The following TPGS2 variants were observed in gnomAD, a reference collection of about 807,000 sequenced individuals.
TPGS2 encodes the protein polyglutamylase subunit 2.
Under a neutral mutation model 31.1 loss-of-function variants are expected in TPGS2, and 26 were observed. That is an observed-to-expected ratio of 0.84 (90% confidence interval 0.61 to 1.16). TPGS2 has a LOEUF of 1.16. Among genes scored for constraint, TPGS2 ranks in the 50% most tolerant of loss-of-function variants. TPGS2 has a pLI of 0.00. For synonymous variants in TPGS2, 130 were observed against 136.6 expected (o/e 0.95, Z 0.34); for missense variants, 351 against 363.8 (o/e 0.96, Z 0.29).
At chr18:36,816,122 T>C (rs927350812) in intron 2 of TPGS2, among the ~76,000 whole-genome samples, 8 of 152,266 alleles carry the variant, frequency 5.3e-5, no homozygotes, top group Admixed American at 2.0e-4. Flanking sequence ...CAAATGAATA[T>C]GTCTGAAGAA....
At chr18:36,825,049 C>G (rs1236015209) in intron 1 of TPGS2, among the ~76,000 whole-genome samples, 1 of 152,052 alleles carries the variant, frequency 6.6e-6, no homozygotes, top group Non-Finnish European at 1.5e-5. Context: ...AGGTAGAGGT[C>G]CAATTTCATT....
At chr18:36,807,204 C>T (rs924622595) in intron 3 of TPGS2, among the ~76,000 whole-genome samples, 2 of 152,148 alleles carry the variant, frequency 1.3e-5, no homozygotes, top group Non-Finnish European at 2.9e-5. Flanking sequence ...GAAATGTTTT[C>T]AAGAGTCTTC....
At chr18:36,786,917 T>A (rs2044145295) in intron 6 of TPGS2, 1 of 1,234,402 alleles carries the variant, frequency 8.1e-7, no homozygotes. Flanking sequence ...GATTGGCGCC[T>A]GCTGCACACG....
At chr18:36,821,648 A>G (rs2045899965) in intron 1 of TPGS2, among the ~76,000 whole-genome samples, 1 of 152,246 alleles carries the variant, frequency 6.6e-6, no homozygotes, top group Non-Finnish European at 1.5e-5. Context: ...AACAAAAGTG[A>G]AAACTCAAGA....
rs529014082 is a variant in TPGS2, at chr18:36,806,308, G to A, written c.254-806C>T. Among the ~76,000 whole-genome samples the A allele has an allele frequency of 1.4e-4, 21 of 152,190 alleles. No individual in the cohort carries two copies. The South Asian group carries it at 2.3e-3, about 17-fold the overall frequency. ...AGAGAGGGTATTGCAATAATGAACT[G>A]GGACTCATTCATAAAATTTTATTCT... On this transcript the variant is annotated intron_variant, in intron 3 of 6. Transcript: ENST00000334295.
rs1383116663 is a variant in TPGS2, at chr18:36,796,966, G to A, written c.742C>T (p.Pro248Ser). 1.9e-6 allele frequency: 3 copies of A among 1,604,774 alleles called. No individual in the cohort carries two copies. Among genetic ancestry groups the A allele is most frequent in the East Asian group, 4.5e-5 (2 of 44,786 alleles). The stretch of plus-strand genomic sequence containing the variant: ...TTCTTGCTCTTAAACACTTTGCTGG[G>A]ATCTAGCTTATTCACAAAGGAGTCG... Reference protein sequence around the residue: ...ETDSFVNKLDPSKVFKSKNKI... With the variant: ...ETDSFVNKLDSSKVFKSKNKI... The change falls in exon 7 of 7, where the codon CCC (proline) becomes TCC (serine). Residue 248 changes from proline to serine, a missense_variant. By Grantham distance (74) the Pro-to-Ser change is moderately conservative. Coordinates refer to ENST00000334295, the MANE Select transcript of TPGS2 (RefSeq NM_015476.4).
chr18:36,783,448 C>T (rs1190736181), intron 6 of TPGS2, among the ~76,000 whole-genome samples: 1 of 152,196 alleles, frequency 6.6e-6, no homozygotes, highest in African/African-American at 2.4e-5. Context: ...AGAAAGGCAA[C>T]ACTTTTCAAA....
chr18:36,785,424 G>T (rs2044105494), intron 6 of TPGS2, among the ~76,000 whole-genome samples: 1 of 152,210 alleles, frequency 6.6e-6, no homozygotes, highest in Non-Finnish European at 1.5e-5. Context: ...TGTAGGTTCA[G>T]CACCAATCGG....
intron 1 of TPGS2, among the ~76,000 whole-genome samples, chr18:36,823,457 C>CTTTTTTTTT (rs1193182256): frequency 1.9e-5 from 2 of 107,084 alleles, no homozygotes; most frequent in African/African-American, 9.9e-5. Flanking sequence ...TTGTTAACAG[C>CTTTTTTTTT]TTGTTTTTTT....
chr18:36,824,522 C>T (rs1381882078), intron 1 of TPGS2, among the ~76,000 whole-genome samples: 1 of 152,184 alleles, frequency 6.6e-6, no homozygotes, highest in East Asian at 1.9e-4. Context: ...TTCATATCCT[C>T]ACCAACAATT....
At chr18:36,781,883 G>T (rs2044025561), downstream of TPGS2, 3 of 985,320 alleles carry the variant, frequency 3.0e-6, no homozygotes, top group African/African-American at 3.5e-5. Flanking sequence ...GAACTTGCGA[G>T]AGTTGGGTCT....
At chr18:36,803,913 G>T (rs1600772947) in intron 4 of TPGS2, among the ~76,000 whole-genome samples, 1 of 151,666 alleles carries the variant, frequency 6.6e-6, no homozygotes, top group Non-Finnish European at 1.5e-5. Context: ...AATAGTGACG[G>T]GATCTCACTA....
intron 4 of TPGS2, among the ~76,000 whole-genome samples, chr18:36,801,242 A>G (rs1195970010): frequency 6.6e-6 from 1 of 152,210 alleles, no homozygotes; most frequent in Non-Finnish European, 1.5e-5. Flanking sequence ...TTGCTCTTCA[A>G]AAAGGACTTT....
At chr18:36,798,325 G>A in intron 6 of TPGS2, 124 bp downstream of exon 6, 2 of 1,522,760 alleles carry the variant, frequency 1.3e-6, no homozygotes, top group Non-Finnish European at 1.8e-6. Flanking sequence ...GAAAATGCAG[G>A]TTCCTGGGCC....
chr18:36,795,184 A>G lies in TPGS2; in HGVS notation c.*1621T>C. 1 of 985,402 alleles carries G rather than the reference A, an allele frequency of 1.0e-6. No homozygotes were observed. Among genetic ancestry groups the G allele is most frequent in the Non-Finnish European group, 1.2e-6 (1 of 829,932 alleles). The allele number at this position is 985,402 out of a possible 1,614,324, so 61.0% of individuals were successfully genotyped here. A position where few individuals can be genotyped will look rare whatever the true frequency, so the allele number is the denominator to read the frequency against. Reference sequence around the variant, plus strand: ...CTCATGAATATCTATCACTATTGTCAACAATCAAAATAAACATGTTTCAGA... The same window carrying G: ...CTCATGAATATCTATCACTATTGTCGACAATCAAAATAAACATGTTTCAGA... On this transcript the variant is annotated 3_prime_UTR_variant, in exon 7 of 7. Transcript: ENST00000334295.
intron 2 of TPGS2, among the ~76,000 whole-genome samples, chr18:36,811,120 G>A (rs1198268606): frequency 6.6e-6 from 1 of 152,174 alleles, no homozygotes. Flanking sequence ...CGTCCATCAA[G>A]GAGCATGAGA....
chr18:36,807,314 T>G (rs1032386588), intron 3 of TPGS2, among the ~76,000 whole-genome samples: 1 of 152,200 alleles, frequency 6.6e-6, no homozygotes, highest in African/African-American at 2.4e-5. Flanking sequence ...TGTTTTGTCC[T>G]AGACAAAAGA....
intron 1 of TPGS2, among the ~76,000 whole-genome samples, chr18:36,827,129 A>C (rs760725758): frequency 9.2e-5 from 14 of 152,008 alleles, no homozygotes; most frequent in Non-Finnish European, 1.8e-4. Flanking sequence ...CAGCCTCCCC[A>C]GTAGCTGGAA....
At chr18:36,823,099 T>G (rs1285658684) in intron 1 of TPGS2, among the ~76,000 whole-genome samples, 1 of 152,218 alleles carries the variant, frequency 6.6e-6, no homozygotes, top group Non-Finnish European at 1.5e-5. Context: ...ACAACACCCT[T>G]TTATTAAGTC....
Sources: allele counts gnomAD v4.1 joint callset (sites outside exome capture counted in the v4.1 genomes callset), GRCh38; gene constraint gnomAD v4.1.1; transcripts MANE v1.5; gene names NCBI Gene and HGNC (gene_info 2026-07-23, HGNC 2026-07-21).